Variants in NEK11 observed in about 807,000 individuals in gnomAD.
The protein encoded by NEK11 is serine/threonine-protein kinase Nek11.
Under a neutral mutation model 80.7 loss-of-function variants are expected in NEK11, and 72 were observed. That is an observed-to-expected ratio of 0.89 (90% CI 0.74 to 1.08). The LOEUF is 1.08. NEK11 is among the 50% of genes least tolerant of loss of function. NEK11 has a pLI of 0.00. For missense variants in NEK11, 764 were observed against 763.6 expected, an observed-to-expected ratio of 1.00 and a Z score of -0.01; for synonymous variants, 251 against 260.7, an observed-to-expected ratio of 0.96 and a Z score of 0.36.
chr3:131,158,680 C>T (rs1389988400), intron 10 of NEK11, among the ~76,000 whole-genome samples: 3 of 152,220 alleles, frequency 2.0e-5, no homozygotes, highest in Non-Finnish European at 4.4e-5. Context: ...AGGGCCCCGG[C>T]TCCCTGAGCC....
chr3:131,165,234 A>G, intron 11 of NEK11, 192 bp from the exon 12 acceptor site: 1 of 539,668 alleles, frequency 1.9e-6, no homozygotes, highest in Non-Finnish European at 3.4e-6. Flanking sequence ...GAACCAGAGT[A>G]TCTTGTGTGT....
At chr3:131,243,908 A>T (rs1324664004) in intron 16 of NEK11, among the ~76,000 whole-genome samples, 1 of 152,142 alleles carries the variant, frequency 6.6e-6, no homozygotes, top group Non-Finnish European at 1.5e-5. Flanking sequence ...ATTTGGTCTG[A>T]AAAACAAAAC....
chr3:131,109,922 G>T lies in NEK11; in HGVS notation c.455+1G>T, dbSNP rs771969598. On this transcript the variant is annotated splice_donor_variant, in intron 5 of 17. Transcript: ENST00000383366. LOFTEE classifies it high-confidence loss of function. ...TGGGAGTTGACTACATGCATGAGAG[G>T]TATGTTCATTTGCTACTGGGGGAGC... 1 of 1,591,024 alleles carries T rather than the reference G, an allele frequency of 6.3e-7. No individual in the cohort carries two copies. Among genetic ancestry groups the T allele is most frequent in the Non-Finnish European group, 8.5e-7 (1 of 1,171,900 alleles).
intron 10 of NEK11, 70 bp downstream of exon 10, chr3:131,155,191 T>A: frequency 1.0e-6 from 1 of 997,416 alleles, no homozygotes; most frequent in Non-Finnish European, 1.6e-6. Flanking sequence ...TTTAAAAATC[T>A]ATTAGCACTA....
intron 4 of NEK11, among the ~76,000 whole-genome samples, chr3:131,081,001 C>A (rs75667533): frequency 0.012 from 1,763 of 152,064 alleles, 44 homozygotes; most frequent in African/African-American, 0.039. Context: ...TTCCAGCTAG[C>A]GAAGAGACTG....
intron 16 of NEK11, among the ~76,000 whole-genome samples, chr3:131,269,211 G>A (rs751972350): frequency 3.9e-5 from 6 of 152,218 alleles, no homozygotes; most frequent in Non-Finnish European, 7.3e-5. Context: ...GGCTCTGTGG[G>A]GGTGGGATCC....
intron 3 of NEK11, among the ~76,000 whole-genome samples, chr3:131,042,897 G>A (rs1201390378): frequency 6.6e-6 from 1 of 152,184 alleles, no homozygotes; most frequent in Non-Finnish European, 1.5e-5. Context: ...ACTCTGGGAT[G>A]AGGCTTCCAG....
chr3:131,261,947 G>T (rs530832283), intron 16 of NEK11, among the ~76,000 whole-genome samples: 1 of 151,888 alleles, frequency 6.6e-6, no homozygotes, highest in Non-Finnish European at 1.5e-5. Flanking sequence ...ACAAAAATCA[G>T]AGTGGAAATA....
At chr3:131,111,791 C>T (rs1418877211) in intron 5 of NEK11, among the ~76,000 whole-genome samples, 2 of 152,108 alleles carry the variant, frequency 1.3e-5, no homozygotes, top group Non-Finnish European at 2.9e-5. Context: ...TCCTTGCTTA[C>T]ATTAAAGGGT....
chr3:131,076,664 A>T (rs557755195), intron 3 of NEK11, among the ~76,000 whole-genome samples: 1 of 152,212 alleles, frequency 6.6e-6, no homozygotes, highest in Non-Finnish European at 1.5e-5. Flanking sequence ...CTAAGTGGGT[A>T]CAGTAGCTGC....
At chr3:131,072,530 ACT>A (rs537063579) in intron 3 of NEK11, among the ~76,000 whole-genome samples, 3 of 152,056 alleles carry the variant, frequency 2.0e-5, no homozygotes, top group African/African-American at 7.2e-5. Flanking sequence ...ATATTCGATG[ACT>A]CTGCCCATCT....
At position 131,178,522 on chromosome 3, in the gene NEK11, G is replaced by A. The variant is rs538893933; in HGVS notation, c.1399+7635G>A. On this transcript the variant is annotated intron_variant, in intron 14 of 17. Transcript: ENST00000383366. Reference sequence around the variant, plus strand: ...AATTCTTTGTTAAAAACGAAGTCACGAACACACATATTAGCCTAGGCCTTC... The same window carrying A: ...AATTCTTTGTTAAAAACGAAGTCACAAACACACATATTAGCCTAGGCCTTC... Among the ~76,000 whole-genome samples the A allele has an allele frequency of 1.4e-3, 211 of 152,034 alleles. 1 individual carries two copies. The highest frequency in any genetic ancestry group is 3.4e-3 in the Middle Eastern group (1 of 294).
intron 4 of NEK11, among the ~76,000 whole-genome samples, chr3:131,099,671 A>G (rs1477918381): frequency 6.6e-6 from 1 of 152,146 alleles, no homozygotes; most frequent in Non-Finnish European, 1.5e-5. Context: ...TTCTCCTTGT[A>G]GAGATCTTTC....
intron 3 of NEK11, chr3:131,053,670 G>A (rs1390264318): frequency 6.6e-6 from 1 of 152,212 alleles, no homozygotes; most frequent in East Asian, 1.9e-4. Flanking sequence ...TCCAGGAACT[G>A]ACATTTGGGC....
At chr3:131,093,880 C>G (rs1250035577) in intron 4 of NEK11, among the ~76,000 whole-genome samples, 1 of 151,462 alleles carries the variant, frequency 6.6e-6, no homozygotes, top group African/African-American at 2.4e-5. Flanking sequence ...ATCACATTAT[C>G]TTGCCATATA....
intron 5 of NEK11, among the ~76,000 whole-genome samples, chr3:131,116,746 A>T (rs2081298545): frequency 6.6e-6 from 1 of 152,000 alleles, no homozygotes; most frequent in Non-Finnish European, 1.5e-5. Flanking sequence ...GCATTTTTTC[A>T]TGTGTCTTTT....
chr3:131,213,059 A>G (rs1214162275), intron 14 of NEK11, among the ~76,000 whole-genome samples: 1 of 152,186 alleles, frequency 6.6e-6, no homozygotes, highest in East Asian at 1.9e-4. Flanking sequence ...TTAAGGTTGC[A>G]ACATTAACTC....
At chr3:131,125,797 C>T (rs1227027238) in intron 5 of NEK11, among the ~76,000 whole-genome samples, 6 of 152,150 alleles carry the variant, frequency 3.9e-5, no homozygotes, top group Non-Finnish European at 8.8e-5. Context: ...ATTTATTGAG[C>T]ATCTCCTGTG....
At chr3:131,226,232 G>C (rs2095190775) in intron 14 of NEK11, among the ~76,000 whole-genome samples, 1 of 152,166 alleles carries the variant, frequency 6.6e-6, no homozygotes, top group Admixed American at 6.5e-5. Context: ...GTCCCTACTT[G>C]ATGGCAGAAC....
Sources: allele counts gnomAD v4.1 joint callset (sites outside exome capture counted in the v4.1 genomes callset), GRCh38; gene constraint gnomAD v4.1.1; transcripts MANE v1.5; gene names NCBI Gene and HGNC (gene_info 2026-07-23, HGNC 2026-07-21).